The following ATXN10 variants were observed in gnomAD, a reference collection of about 807,000 sequenced individuals.
ATXN10 encodes ataxin-10.
A neutral mutation model predicts 52.9 loss-of-function variants in ATXN10; 28 were observed. The observed-to-expected ratio is 0.53, with a 90% CI of 0.39 to 0.73. The LOEUF (loss-of-function observed/expected upper bound fraction) is 0.73. ATXN10 is among the 30% of genes least tolerant of loss of function. The probability of loss-of-function intolerance (pLI) is 0.00; values close to 1 mark genes in which losing one functional copy is unlikely to be tolerated. For synonymous variants in ATXN10, 226 were observed against 221.5 expected, an observed-to-expected ratio of 1.02 and a Z score of -0.18; for missense variants, 565 against 577.0, an observed-to-expected ratio of 0.98 and a Z score of 0.21.
chr22:45,805,361 A>T lies in ATXN10; in HGVS notation c.1174-1598A>T, dbSNP rs1928065719. Among the ~76,000 whole-genome samples, 1 of 152,208 alleles carries T rather than the reference A, an allele frequency of 6.6e-6. No homozygotes were observed. ...TTTGACTCCTAGGTATATACCCAAGAACAATGAATACTTATATCCACTCAA... is the reference window on the plus strand; with the variant it reads ...TTTGACTCCTAGGTATATACCCAAGTACAATGAATACTTATATCCACTCAA... On this transcript the variant is annotated intron_variant, in intron 9 of 11. Coordinates refer to ENST00000252934, the MANE Select transcript of ATXN10 (RefSeq NM_013236.4). This position sits in a 1 kb window ranked among gnomAD's most constrained non-coding sequence, Gnocchi z 4.4.
At chr22:45,720,636 G>C (rs138920842) in intron 6 of ATXN10, among the ~76,000 whole-genome samples, 31 of 152,268 alleles carry the variant, frequency 2.0e-4, no homozygotes, top group African/African-American at 6.7e-4. Context: ...CTACAATGAG[G>C]TACCACTTGA....
Position 45,735,756 on chromosome 22 carries a change from T to C in ATXN10, c.895-2975T>C, listed in dbSNP as rs532252198. Among the ~76,000 whole-genome samples, 27 of 143,718 alleles carry C rather than the reference T, an allele frequency of 1.9e-4. No individual in the cohort carries two copies. The East Asian group carries it at 5.4e-3, about 29-fold the overall frequency. The allele number at this position is 143,718 out of a possible 152,430, so 94.3% of individuals were successfully genotyped here. A position where few individuals can be genotyped will look rare whatever the true frequency, so the allele number is the denominator to read the frequency against. ...ACAGGTGAGCTAGACAGGAGACTAATCTTTTTTTTTTTGCTCACTTCAAAA... is the reference window on the plus strand; with the variant it reads ...ACAGGTGAGCTAGACAGGAGACTAACCTTTTTTTTTTTGCTCACTTCAAAA... On this transcript the variant is annotated intron_variant, in intron 7 of 11. Coordinates refer to ENST00000252934, the MANE Select transcript of ATXN10 (RefSeq NM_013236.4).
At chr22:45,720,524 G>T (rs1423181579) in intron 6 of ATXN10, among the ~76,000 whole-genome samples, 1 of 152,070 alleles carries the variant, frequency 6.6e-6, no homozygotes, top group Admixed American at 6.6e-5. Flanking sequence ...ATTTTTTAAT[G>T]TACGGTTCAG....
chr22:45,704,664 T>A (rs77806074), intron 5 of ATXN10, among the ~76,000 whole-genome samples: 1,766 of 152,340 alleles, frequency 0.012, 18 homozygotes, highest in Non-Finnish European at 0.019. Flanking sequence ...ATAGTTTTAG[T>A]AGATTTTTTT....
chr22:45,692,759 A>G (rs1008721274), intron 2 of ATXN10, among the ~76,000 whole-genome samples: 1 of 152,242 alleles, frequency 6.6e-6, no homozygotes, highest in Non-Finnish European at 1.5e-5. Context: ...AATCTGAGTC[A>G]TGGGAAACTT....
chr22:45,745,160 T>A (rs566095259), intron 9 of ATXN10, among the ~76,000 whole-genome samples: 4 of 152,230 alleles, frequency 2.6e-5, no homozygotes, highest in Non-Finnish European at 5.9e-5. Context: ...AAGAAAGCAT[T>A]CTTCAGCTTC....
At chr22:45,808,977 A>T (rs1006937691) in intron 10 of ATXN10, among the ~76,000 whole-genome samples, 39 of 152,218 alleles carry the variant, frequency 2.6e-4, no homozygotes, top group Admixed American at 1.4e-3. Flanking sequence ...GTATTCAGTA[A>T]TTCTTTGGAG....
In ATXN10 at chr22:45,677,407, A is replaced by G. The variant is rs998095223; in HGVS notation, c.116+5228A>G. On this transcript the variant is annotated intron_variant, in intron 1 of 11. Coordinates refer to ENST00000252934, the MANE Select transcript of ATXN10 (RefSeq NM_013236.4). This position sits in a 1 kb window ranked among gnomAD's most constrained non-coding sequence, Gnocchi z 4.1. The stretch of plus-strand genomic sequence containing the variant: ...CGTGTAGACAGTAATTTTTTTTTTC[A>G]GCTTCTATCAGTATAGCTCATTTTT... The G allele has an allele frequency of 3.3e-5, 5 of 150,812 alleles. No individual in the cohort carries two copies. The highest frequency in any genetic ancestry group is 1.2e-4 in the African/African-American group (5 of 41,014). The allele number at this position is 150,812 out of a possible 1,614,324, so 9.3% of individuals were successfully genotyped here. A position where few individuals can be genotyped will look rare whatever the true frequency, so the allele number is the denominator to read the frequency against.
In ATXN10 at chr22:45,797,017, A is replaced by G. The variant is rs561863663; in HGVS notation, c.1174-9942A>G. ...GATATTTCATAATGATTAAAGGGTCAGTTCATCAAGAAGACATAATAGCCT... is the reference window on the plus strand; with the variant it reads ...GATATTTCATAATGATTAAAGGGTCGGTTCATCAAGAAGACATAATAGCCT... On this transcript the variant is annotated intron_variant, in intron 9 of 11. Transcript: ENST00000252934. Among the ~76,000 whole-genome samples the G allele has an allele frequency of 8.5e-5, 13 of 152,392 alleles. No individual in the cohort carries two copies. In the South Asian group the frequency reaches 2.7e-3, roughly 32 times the overall value.
intron 9 of ATXN10, chr22:45,760,470 C>G (rs1034057549): frequency 6.5e-6 from 1 of 154,144 alleles, no homozygotes; most frequent in Admixed American, 6.5e-5. Context: ...AGCTCATGAT[C>G]TACTGTGGGA....
At chr22:45,739,612 T>C (rs191658472) in intron 8 of ATXN10, among the ~76,000 whole-genome samples, 2 of 152,318 alleles carry the variant, frequency 1.3e-5, no homozygotes, top group Admixed American at 1.3e-4. Context: ...CTTGAGTGAT[T>C]ATGGAAGGAG....
intron 8 of ATXN10, 109 bp downstream of exon 8, chr22:45,738,948 T>C (rs1177538810): frequency 2.9e-6 from 3 of 1,030,506 alleles, no homozygotes; most frequent in East Asian, 5.0e-5. Context: ...TTTGGGAATT[T>C]TGTGAATATA....
At chr22:45,768,839 A>G (rs778556071) in intron 9 of ATXN10, among the ~76,000 whole-genome samples, 3 of 152,260 alleles carry the variant, frequency 2.0e-5, no homozygotes, top group African/African-American at 4.8e-5. Flanking sequence ...AGAGATGTCC[A>G]TGGATATTTG....
chr22:45,742,996 T>C (rs1266109179), intron 9 of ATXN10, among the ~76,000 whole-genome samples: 5 of 152,250 alleles, frequency 3.3e-5, no homozygotes, highest in Non-Finnish European at 7.3e-5. Flanking sequence ...TGGCCTCTTA[T>C]AGGAACAAAA....
chr22:45,804,536 G>A (rs1485863664), intron 9 of ATXN10, among the ~76,000 whole-genome samples: 2 of 152,168 alleles, frequency 1.3e-5, no homozygotes, highest in East Asian at 1.9e-4. Flanking sequence ...GCGGGACATG[G>A]CGTTTGGAAT....
rs937602265 is a variant in ATXN10 at position 45,770,087 on chromosome 22, T to G, written c.1173+29549T>G. Among the ~76,000 whole-genome samples, 2 of 151,192 alleles carry G rather than the reference T, an allele frequency of 1.3e-5. No homozygotes were observed. ...TGGCTACTGTTTCTTGAGAAATGAT[T>G]ATGTGTCAAGCTCTGTGCTTTCTGT... On this transcript the variant is annotated intron_variant, in intron 9 of 11. Transcript: ENST00000252934. This position sits in a 1 kb window ranked among gnomAD's most constrained non-coding sequence, Gnocchi z 4.5.
intron 10 of ATXN10, among the ~76,000 whole-genome samples, chr22:45,829,375 C>G (rs1000223177): frequency 6.6e-6 from 1 of 152,096 alleles, no homozygotes. Flanking sequence ...ACTAGAAGTT[C>G]TAACCAAACC....
rs1439203455 is a variant in ATXN10 at position 45,842,670 on chromosome 22, G to T, written c.1238-321G>T. 1.3e-5 allele frequency among the ~76,000 whole-genome samples: 2 copies of T among 152,082 alleles called. No homozygotes were observed. Among genetic ancestry groups the T allele is most frequent in the East Asian group, 1.9e-4 (1 of 5,184 alleles). On this transcript the variant is annotated intron_variant, in intron 10 of 11. Coordinates refer to ENST00000252934, the MANE Select transcript of ATXN10 (RefSeq NM_013236.4). The surrounding 1 kb of genome is among the most constrained non-coding windows in gnomAD (Gnocchi z 4.8). ...CGTTTGCCTGTGTGTGTGTTCTTGGGTTCATAAACTTCAGTTTGAGCTACT... is the reference window on the plus strand; with the variant it reads ...CGTTTGCCTGTGTGTGTGTTCTTGGTTTCATAAACTTCAGTTTGAGCTACT...
In ATXN10 at chr22:45,787,193, A is replaced by G. The variant is rs1927349525; in HGVS notation, c.1174-19766A>G. On this transcript the variant is annotated intron_variant, in intron 9 of 11. Coordinates refer to ENST00000252934, the MANE Select transcript of ATXN10 (RefSeq NM_013236.4). This position sits in a 1 kb window ranked among gnomAD's most constrained non-coding sequence, Gnocchi z 4.2. ...ATTTAATATATGTGCATTGAAAAACACAGAGAATTTTCATGGATAGGATCT... is the reference window on the plus strand; with the variant it reads ...ATTTAATATATGTGCATTGAAAAACGCAGAGAATTTTCATGGATAGGATCT... Among the ~76,000 whole-genome samples the G allele has an allele frequency of 6.6e-6, 1 of 152,198 alleles. No individual in the cohort carries two copies. Among genetic ancestry groups the G allele is most frequent in the Admixed American group, 6.5e-5 (1 of 15,288 alleles).
Sources: allele counts gnomAD v4.1 joint callset (sites outside exome capture counted in the v4.1 genomes callset), GRCh38; gene constraint gnomAD v4.1.1; non-coding constraint Gnocchi (gnomAD v3.1); transcripts MANE v1.5; gene names NCBI Gene and HGNC (gene_info 2026-07-23, HGNC 2026-07-21).